The following TAFA2 variants were observed in gnomAD, a reference collection of about 807,000 sequenced individuals.
The protein encoded by TAFA2 is chemokine-like protein TAFA-2.
TAFA2 carries 7 observed loss-of-function variants against 18.8 expected under a neutral mutation model. That is an observed-to-expected ratio of 0.37 (90% CI 0.21 to 0.70). TAFA2 has a LOEUF of 0.70. Among genes scored for constraint, TAFA2 ranks in the 30% least tolerant of loss-of-function variants. TAFA2 has a pLI of 0.53. For missense variants in TAFA2, 122 were observed against 158.1 expected (o/e 0.77, Z 1.23); for synonymous variants, 60 against 54.2 (o/e 1.11, Z -0.47).
intron 1 of TAFA2, among the ~76,000 whole-genome samples, chr12:62,108,429 G>A (rs1869562852): frequency 6.6e-6 from 1 of 152,148 alleles, no homozygotes; most frequent in Non-Finnish European, 1.5e-5. Flanking sequence ...TTGCTATTGT[G>A]AACAATGGTG....
intron 1 of TAFA2, among the ~76,000 whole-genome samples, chr12:61,875,167 C>T (rs558277828): frequency 3.2e-4 from 48 of 152,052 alleles, no homozygotes; most frequent in African/African-American, 1.1e-3. Context: ...ATGTATGTAA[C>T]GAAAGCTAAA....
rs117249028 is a variant in TAFA2 at position 61,990,806 on chromosome 12, C to A, written c.-1-123380G>T. 5.3e-3 allele frequency among the ~76,000 whole-genome samples: 800 copies of A among 152,284 alleles called. 8 individuals are homozygous for A. The highest frequency in any genetic ancestry group is 7.3e-3 in the Non-Finnish European group (497 of 68,024). On this transcript the variant is annotated intron_variant, in intron 1 of 4. Transcript: ENST00000416284. ...ACATTCTAACTGCTTGAATCCGCAT[C>A]TGATCACCACGTGGAGGAGTGTATA...
At chr12:61,940,248 T>C (rs1047365949) in intron 1 of TAFA2, among the ~76,000 whole-genome samples, 5 of 152,222 alleles carry the variant, frequency 3.3e-5, no homozygotes, top group Non-Finnish European at 5.9e-5. Context: ...CACCCAGTGC[T>C]TGGTTTAATG....
intron 2 of TAFA2, among the ~76,000 whole-genome samples, chr12:61,827,869 G>A (rs2121080416): frequency 6.6e-6 from 1 of 152,040 alleles, no homozygotes; most frequent in Admixed American, 6.6e-5. Flanking sequence ...AATCCTCCAT[G>A]TGTTCAAAAA....
At chr12:61,955,146 C>A in intron 1 of TAFA2, among the ~76,000 whole-genome samples, 1 of 152,008 alleles carries the variant, frequency 6.6e-6, no homozygotes. Context: ...AAAATAGTAT[C>A]TGGATTGTAA....
intron 1 of TAFA2, among the ~76,000 whole-genome samples, chr12:62,072,038 C>T (rs897057417): frequency 2.0e-5 from 3 of 152,132 alleles, no homozygotes; most frequent in Admixed American, 1.3e-4. Context: ...ACTATTTTTT[C>T]ACACTCATTT....
intron 1 of TAFA2, among the ~76,000 whole-genome samples, chr12:61,937,652 A>T (rs1877826508): frequency 1.3e-5 from 2 of 152,212 alleles, no homozygotes; most frequent in Non-Finnish European, 2.9e-5. Context: ...TACAAAAATC[A>T]ACTGAAGATG....
chr12:62,161,762 A>C (rs2062408543), intron 1 of TAFA2, among the ~76,000 whole-genome samples: 1 of 152,216 alleles, frequency 6.6e-6, no homozygotes, highest in Non-Finnish European at 1.5e-5. Flanking sequence ...TTATTTTAAA[A>C]TTGTGTAAAT....
intron 1 of TAFA2, among the ~76,000 whole-genome samples, chr12:62,002,258 A>T (rs975286835): frequency 1.3e-5 from 2 of 152,154 alleles, no homozygotes; most frequent in Non-Finnish European, 2.9e-5. Context: ...AAAAGGGAAA[A>T]TTTCTGTGAG....
chr12:62,123,781 T>TACACAC (rs71083977), intron 1 of TAFA2, among the ~76,000 whole-genome samples: 1,726 of 132,888 alleles, frequency 0.013, 21 homozygotes, highest in Middle Eastern at 0.027. Context: ...ACCACACACA[T>TACACAC]ACACACACAC....
Position 61,859,433 on chromosome 12 carries a change from A to ATTTTGTTTTTGTTTTTGT in TAFA2, c.106+7869_106+7886dup, listed in dbSNP as rs71450565. On this transcript the variant is annotated intron_variant, in intron 2 of 4. Transcript: ENST00000416284. ...AAACCATATCACCAGACAAAGCAAT[A>ATTTTGTTTTTGTTTTTGT]TTTTGTTTTTGTTTTTGTTTTTGAT... Among the ~76,000 whole-genome samples, 125 of 151,382 alleles carry ATTTTGTTTTTGTTTTTGT rather than the reference A, an allele frequency of 8.3e-4. 2 individuals carry two copies. Among genetic ancestry groups the ATTTTGTTTTTGTTTTTGT allele is most frequent in the South Asian group, 3.4e-3 (16 of 4,760 alleles).
At chr12:61,832,741 G>A (rs1872764819) in intron 2 of TAFA2, among the ~76,000 whole-genome samples, 1 of 151,816 alleles carries the variant, frequency 6.6e-6, no homozygotes, top group South Asian at 2.1e-4. Context: ...TTACATTCAT[G>A]ACATAGGACT....
intron 1 of TAFA2, among the ~76,000 whole-genome samples, chr12:61,877,524 C>T (rs528294759): frequency 6.6e-6 from 1 of 152,114 alleles, no homozygotes; most frequent in South Asian, 2.1e-4. Flanking sequence ...GGTCTATTTT[C>T]AAAAAATTCT....
chr12:61,712,128 A>G (rs1370318097), intron 4 of TAFA2, among the ~76,000 whole-genome samples: 1 of 152,138 alleles, frequency 6.6e-6, no homozygotes, highest in Non-Finnish European at 1.5e-5. Context: ...TAAATGGTTT[A>G]GCCTCTGCTG....
At chr12:62,202,464 G>A (rs2062675251) in intron 1 of TAFA2, among the ~76,000 whole-genome samples, 1 of 151,750 alleles carries the variant, frequency 6.6e-6, no homozygotes. Flanking sequence ...TCTCGCCTCA[G>A]CCTCCCTAGT....
intron 1 of TAFA2, among the ~76,000 whole-genome samples, chr12:61,968,070 A>G (rs1454131825): frequency 6.6e-6 from 1 of 151,804 alleles, no homozygotes; most frequent in Non-Finnish European, 1.5e-5. Context: ...GGTTGAAAAC[A>G]TATTCCCTGA....
At chr12:61,947,490 A>AAATAAAT (rs1565692158) in intron 1 of TAFA2, among the ~76,000 whole-genome samples, 5 of 151,664 alleles carry the variant, frequency 3.3e-5, no homozygotes, top group African/African-American at 1.2e-4. Flanking sequence ...AATAAATAAA[A>AAATAAAT]AAGAATTTTG....
intron 2 of TAFA2, among the ~76,000 whole-genome samples, chr12:61,827,979 A>G (rs778162393): frequency 1.5e-4 from 23 of 152,006 alleles, no homozygotes; most frequent in Non-Finnish European, 2.1e-4. Flanking sequence ...AAATAAAGAC[A>G]TTAATGAAGA....
At chr12:61,849,560 T>G (rs1198475464) in intron 2 of TAFA2, among the ~76,000 whole-genome samples, 1 of 152,170 alleles carries the variant, frequency 6.6e-6, no homozygotes, top group African/African-American at 2.4e-5. Flanking sequence ...ACACAGATAC[T>G]CAACATATTA....
Sources: gnomAD v4.1 joint callset for allele counts (sites outside exome capture counted in the v4.1 genomes callset) on GRCh38, gnomAD v4.1.1 for gene constraint, MANE v1.5 for transcripts, NCBI Gene and HGNC (gene_info 2026-07-23, HGNC 2026-07-21) for gene names.